The following GPRIN1 variants were observed in gnomAD, a reference collection of about 807,000 sequenced individuals.
GPRIN1 encodes the protein G protein-regulated inducer of neurite outgrowth 1.
In GPRIN1, 4 loss-of-function variants were observed where a neutral mutation model predicts 2.8. That is an observed-to-expected ratio of 1.45 (90% CI 0.71 to 3.32). The LOEUF is 3.32. Ranked by LOEUF, GPRIN1 falls within the 30% of genes most tolerant of loss-of-function variation. The pLI is 0.01. For synonymous variants in GPRIN1, 589 were observed against 589.9 expected (o/e 1.00, Z 0.02); for missense variants, 1,322 against 1,343.4 (o/e 0.98, Z 0.25).
intron 1 of GPRIN1, among the ~76,000 whole-genome samples, chr5:176,600,351 C>T (rs1359470339): frequency 1.3e-5 from 2 of 152,054 alleles, no homozygotes; most frequent in African/African-American, 2.4e-5. Flanking sequence ...GATCCGCCCA[C>T]CTCAGCCTCC....
intron 1 of GPRIN1, among the ~76,000 whole-genome samples, chr5:176,606,991 T>G (rs1024745811): frequency 6.6e-6 from 1 of 152,196 alleles, no homozygotes; most frequent in Non-Finnish European, 1.5e-5. Flanking sequence ...ACAGAGAGCC[T>G]GGTCAGGGAG....
At chr5:176,603,290 C>G (rs1189313665) in intron 1 of GPRIN1, among the ~76,000 whole-genome samples, 1 of 152,192 alleles carries the variant, frequency 6.6e-6, no homozygotes, top group Non-Finnish European at 1.5e-5. Flanking sequence ...TCTACACACC[C>G]TCTTCTGGAG....
At position 176,595,835 on chromosome 5, in the gene GPRIN1, G is replaced by A. The variant is rs1359214791; in HGVS notation, c.*973C>T. ...ATATTTTATTACCAATGTATACTGT[G>A]ACAGTTTGTAGCCAAAAACTGCGGC... is the stretch of plus-strand genomic sequence containing the variant. On this transcript the variant is annotated 3_prime_UTR_variant, in exon 2 of 2. Coordinates refer to ENST00000303991, the MANE Select transcript of GPRIN1 (RefSeq NM_052899.3). The A allele has an allele frequency of 2.9e-6, 2 of 685,650 alleles. No homozygotes were observed. Among genetic ancestry groups the A allele is most frequent in the East Asian group, 3.3e-5 (1 of 30,150 alleles). The allele number at this position is 685,650 out of a possible 1,614,324, so 42.5% of individuals were successfully genotyped here.
Position 176,597,052 on chromosome 5 carries a change from G to A in GPRIN1, c.2783C>T (p.Ala928Val), listed in dbSNP as rs764034075. Reference sequence around the variant, plus strand: ...CATGCCCAGCACCTCCACCTCCATGGCGGCGCCGTATACCTCCCACGTCAT... The same window carrying A: ...CATGCCCAGCACCTCCACCTCCATGACGGCGCCGTATACCTCCCACGTCAT... ...KGMTWEVYGAAMEVEVLGMAI... is the reference protein window; with the variant it reads ...KGMTWEVYGAVMEVEVLGMAI... Residue 928 changes from alanine to valine, a missense_variant, in exon 2 of 2, where the codon GCC becomes GTC. This residue lies in a region of GPRIN1 where 196 missense variants were observed against 189.2 expected (regional missense o/e 1.04). Transcript: ENST00000303991. This position sits in a 1 kb window ranked among gnomAD's most constrained non-coding sequence, Gnocchi z 6.1. 2.7e-6 allele frequency: 4 copies of A among 1,506,456 alleles called. No homozygotes were observed. The highest frequency in any genetic ancestry group is 2.9e-5 in the African/African-American group (2 of 69,934). The allele number at this position is 1,506,456 out of a possible 1,614,324, so 93.3% of individuals were successfully genotyped here.
Position 176,597,774 on chromosome 5 carries a change from C to T in GPRIN1, c.2061G>A (p.Glu687=), listed in dbSNP as rs761261759. 1.2e-6 allele frequency: 2 copies of T among 1,604,654 alleles called. No individual in the cohort carries two copies. Among genetic ancestry groups the T allele is most frequent in the East Asian group, 2.2e-5 (1 of 44,742 alleles). Residue 687 remains glutamate, a synonymous_variant, in exon 2 of 2, where the codon GAG becomes GAA. Transcript: ENST00000303991. This position sits in a 1 kb window ranked among gnomAD's most constrained non-coding sequence, Gnocchi z 6.1. ...AGTCGGCTTTCCCCAGGGACACAGGCTCTCCCTTCCCTGAGGCAAGGGGCT... is the reference window on the plus strand; with the variant it reads ...AGTCGGCTTTCCCCAGGGACACAGGTTCTCCCTTCCCTGAGGCAAGGGGCT... ...KAEPLASGKG[E]PVSLGKADSA...
Position 176,597,243 on chromosome 5 carries a change from G to T in GPRIN1, c.2592C>A (p.Gly864=). The T allele has an allele frequency of 8.0e-7, 1 of 1,254,596 alleles. No individual in the cohort carries two copies. The highest frequency in any genetic ancestry group is 1.0e-6 in the Non-Finnish European group (1 of 1,001,500). 77.7% of individuals were successfully genotyped at this position (1,254,596 alleles called of 1,614,324 possible). The change falls in exon 2 of 2, where the codon GGC becomes GGA. Residue 864 remains glycine (G), a synonymous_variant. Transcript: ENST00000303991. The surrounding 1 kb of genome is among the most constrained non-coding windows in gnomAD (Gnocchi z 6.1). ...RRDAGLQVSL[G]AAETRSVATG... ...TGGCCACGGAGCGCGTCTCGGCGGC[G>T]CCCAGCGACACCTGCAGGCCCGCAT...
chr5:176,597,060 G>A lies in GPRIN1; in HGVS notation c.2775C>T (p.Tyr925=). Residue 925 remains tyrosine (Y), a synonymous_variant, in exon 2 of 2, where the codon TAC becomes TAT. Transcript: ENST00000303991. This position sits in a 1 kb window ranked among gnomAD's most constrained non-coding sequence, Gnocchi z 6.1. ...GCACCTCCACCTCCATGGCGGCGCCGTATACCTCCCACGTCATGCCCTTCT... is the reference window on the plus strand; with the variant it reads ...GCACCTCCACCTCCATGGCGGCGCCATATACCTCCCACGTCATGCCCTTCT... ...WDEKGMTWEV[Y]GAAMEVEVLG... is the part of the protein sequence containing the mutation. The A allele has an allele frequency of 4.6e-6, 7 of 1,506,914 alleles. No individual in the cohort carries two copies. The highest frequency in any genetic ancestry group is 5.3e-6 in the Non-Finnish European group (6 of 1,125,644). 93.3% of individuals were successfully genotyped at this position (1,506,914 alleles called of 1,614,324 possible). A position where few individuals can be genotyped will look rare whatever the true frequency, so the allele number is the denominator to read the frequency against.
At position 176,596,849 on chromosome 5, in the gene GPRIN1, G is replaced by T; in HGVS notation, c.2986C>A (p.Arg996=). ...LFRALLQSVR[R]PRCCSRAGPT... ...CCCGCCCGCGAGCAGCACCGCGGCCGGCGCACACTCTGCAGCAGCGCGCGG... is the reference window on the plus strand; with the variant it reads ...CCCGCCCGCGAGCAGCACCGCGGCCTGCGCACACTCTGCAGCAGCGCGCGG... The change falls in exon 2 of 2, where the codon CGG becomes AGG. Residue 996 remains arginine, a synonymous_variant. Coordinates refer to ENST00000303991, the MANE Select transcript of GPRIN1 (RefSeq NM_052899.3). The surrounding 1 kb of genome is among the most constrained non-coding windows in gnomAD (Gnocchi z 5.2). 7 of 1,407,268 alleles carry T rather than the reference G, an allele frequency of 5.0e-6. No homozygotes were observed. The highest frequency in any genetic ancestry group is 6.5e-6 in the Non-Finnish European group (7 of 1,077,084). The allele number at this position is 1,407,268 out of a possible 1,614,324, so 87.2% of individuals were successfully genotyped here.
Position 176,597,650 on chromosome 5 carries a change from G to C in GPRIN1, c.2185C>G (p.Arg729Gly), listed in dbSNP as rs372343847. 8.8e-6 allele frequency: 14 copies of C among 1,598,528 alleles called. No individual in the cohort carries two copies. The highest frequency in any genetic ancestry group is 8.5e-7 in the Non-Finnish European group (1 of 1,175,742). ...KPSSSSRQLD[R>G]KALGSARSPE... ...GACCGGGCTGAGCCGAGGGCTTTGC[G>C]GTCTAACTGCCTGGAGGAGGAGGAC... The change falls in exon 2 of 2, where the codon CGC (arginine) becomes GGC (glycine). Residue 729 changes from arginine (R) to glycine (G), a missense_variant. Arg to Gly is a moderately radical substitution (Grantham distance 125, BLOSUM62 -2). This residue lies in a region of GPRIN1 where 1,117 missense variants were observed against 1,128.6 expected (regional missense o/e 0.99). Transcript: ENST00000303991. This position sits in a 1 kb window ranked among gnomAD's most constrained non-coding sequence, Gnocchi z 6.1.
intron 1 of GPRIN1, among the ~76,000 whole-genome samples, chr5:176,608,843 C>A (rs1342379568): frequency 6.6e-6 from 1 of 152,216 alleles, no homozygotes; most frequent in Non-Finnish European, 1.5e-5. Flanking sequence ...CAAGCACCTG[C>A]AAATACCTCT....
In GPRIN1 at chr5:176,599,104, ACAGGATCCACCTTTCTCAAAGACC is replaced by A. The variant is rs770102622; in HGVS notation, c.707_730del (p.Gly236_Pro243del). On this transcript the variant is annotated inframe_deletion, in exon 2 of 2. Transcript: ENST00000303991. ...TACAGGGTCCACTTTGTCTGAGGAC[ACAGGATCCACCTTTCTCAAAGACC>A]CAGGATCCTCCTTCCTCGGTGACAC... 2.5e-6 allele frequency: 4 copies of A among 1,613,902 alleles called. No homozygotes were observed. Among genetic ancestry groups the A allele is most frequent in the African/African-American group, 1.3e-5 (1 of 74,912 alleles).
Position 176,596,307 on chromosome 5 carries a change from C to G in GPRIN1, c.*501G>C, listed in dbSNP as rs1759032915. On this transcript the variant is annotated 3_prime_UTR_variant, in exon 2 of 2. Coordinates refer to ENST00000303991, the MANE Select transcript of GPRIN1 (RefSeq NM_052899.3). The surrounding 1 kb of genome is among the most constrained non-coding windows in gnomAD (Gnocchi z 5.2). ...AGACGCTCACACTCGTTCTACCTCA[C>G]GTGCTGCCCGAGACCTCACATTCAG... The G allele has an allele frequency of 6.6e-6, 1 of 152,370 alleles. No individual in the cohort carries two copies. The highest frequency in any genetic ancestry group is 1.5e-5 in the Non-Finnish European group (1 of 68,180). The allele number at this position is 152,370 out of a possible 1,614,324, so 9.4% of individuals were successfully genotyped here.
Position 176,598,809 on chromosome 5 carries a change from C to A in GPRIN1, c.1026G>T (p.Leu342Phe), listed in dbSNP as rs563593490. Residue 342 changes from leucine (L) to phenylalanine (F), a missense_variant, in exon 2 of 2, where the codon TTG becomes TTT. Physicochemically the swap from Leu to Phe is conservative, Grantham distance 22. This residue lies in a region of GPRIN1 where 1,117 missense variants were observed against 1,128.6 expected (regional missense o/e 0.99). Transcript: ENST00000303991. ...VSSGTGAPGS[L>F]GRLDPTCLGM... is the part of the protein sequence containing the mutation. ...CCAAGCATGTGGGATCCAGCCTTCC[C>A]AAGGACCCAGGAGCCCCGGTCCCAG... 1.9e-5 allele frequency: 30 copies of A among 1,613,834 alleles called. No homozygotes were observed. The highest frequency in any genetic ancestry group is 1.7e-4 in the Admixed American group (10 of 60,016).
At position 176,598,655 on chromosome 5, in the gene GPRIN1, T is replaced by C; in HGVS notation, c.1180A>G (p.Thr394Ala). The C allele has an allele frequency of 6.2e-7, 1 of 1,614,180 alleles. No individual in the cohort carries two copies. Among genetic ancestry groups the C allele is most frequent in the Non-Finnish European group, 8.5e-7 (1 of 1,180,042 alleles). Residue 394 changes from threonine to alanine, a missense_variant, in exon 2 of 2, where the codon ACT (threonine) becomes GCT (alanine). By Grantham distance (58) the Thr-to-Ala change is moderately conservative (BLOSUM62 0). This residue lies in a region of GPRIN1 where 1,117 missense variants were observed against 1,128.6 expected (regional missense o/e 0.99). Coordinates refer to ENST00000303991, the MANE Select transcript of GPRIN1 (RefSeq NM_052899.3). ...EGRPVSGHTD[T>A]TASAKTDLTS... is the part of the protein sequence containing the mutation. ...AGATCTGTCTTTGCTGAAGCCGTAG[T>C]ATCCGTGTGGCCAGACACAGGACGC...
At chr5:176,609,179 G>A (rs564624457) in intron 1 of GPRIN1, among the ~76,000 whole-genome samples, 1 of 152,336 alleles carries the variant, frequency 6.6e-6, no homozygotes, top group East Asian at 1.9e-4. Flanking sequence ...GTGTGCACAA[G>A]GGTGGCAGTC....
chr5:176,599,931 A>C (rs2113349321), intron 1 of GPRIN1, 54 bp from the exon 2 acceptor site: 1 of 1,150,486 alleles, frequency 8.7e-7, no homozygotes. Context: ...GGGGGAGGAG[A>C]CTCTGCCTTC....
Position 176,596,920 on chromosome 5 carries a change from C to T in GPRIN1, c.2915G>A (p.Arg972His). ...GGCGGCGCCATCTGGGGGCGCGGTG[C>T]GCACCGAGCCCGAACGGCCGGGGCC... The part of the protein sequence containing the change: ...RAGPGRSGSV[R>H]TAPPDGAAKR... Residue 972 changes from arginine to histidine, a missense_variant, in exon 2 of 2, where the codon CGC (arginine) becomes CAC (histidine). By Grantham distance (29) the Arg-to-His change is conservative. This residue lies in a region of GPRIN1 where 196 missense variants were observed against 189.2 expected (regional missense o/e 1.04). Transcript: ENST00000303991. This position sits in a 1 kb window ranked among gnomAD's most constrained non-coding sequence, Gnocchi z 5.2. The T allele has an allele frequency of 8.2e-7, 1 of 1,213,946 alleles. No individual in the cohort carries two copies. The highest frequency in any genetic ancestry group is 1.0e-6 in the Non-Finnish European group (1 of 977,390). The allele number at this position is 1,213,946 out of a possible 1,614,324, so 75.2% of individuals were successfully genotyped here.
chr5:176,605,834 A>T (rs1759213778), intron 1 of GPRIN1, among the ~76,000 whole-genome samples: 2 of 152,046 alleles, frequency 1.3e-5, no homozygotes, highest in Admixed American at 1.3e-4. Context: ...GGAGAGAGAG[A>T]AAGGGCCCAG....
In GPRIN1 at chr5:176,599,437, G is replaced by T. The variant is rs114390685; in HGVS notation, c.398C>A (p.Ser133Tyr). The T allele has an allele frequency of 2.5e-6, 4 of 1,614,246 alleles. No homozygotes were observed. In the African/African-American group the frequency reaches 5.3e-5, roughly 22 times the overall value. Residue 133 changes from serine (S) to tyrosine (Y), a missense_variant, in exon 2 of 2, where the codon TCC becomes TAC. Transcript: ENST00000303991. ...ATTSGKPEPV[S>Y]SVKTEPKSSD... ...GGATTTGGGCTCAGTTTTCACGGAG[G>T]ACACAGGCTCTGGCTTCCCAGACGT... is the stretch of plus-strand genomic sequence containing the variant.
Sources: gnomAD v4.1 joint callset for allele counts (sites outside exome capture counted in the v4.1 genomes callset) on GRCh38, gnomAD v4.1.1 for gene constraint, gnomAD v4.1.1 regional missense constraint, Gnocchi (gnomAD v3.1) non-coding constraint, MANE v1.5 for transcripts, NCBI Gene and HGNC (gene_info 2026-07-23, HGNC 2026-07-21) for gene names.